BCO1: variants seen among roughly 807,000 people sequenced by gnomAD.
BCO1 encodes the protein beta-carotene oxygenase 1.
Under a neutral mutation model 56.3 loss-of-function variants are expected in BCO1, and 54 were observed. That is an observed-to-expected ratio of 0.96 (90% CI 0.77 to 1.20). The LOEUF (loss-of-function observed/expected upper bound fraction) is 1.20. Ranked by LOEUF, BCO1 falls within the 50% of genes most tolerant of loss-of-function variation. BCO1 has a pLI of 0.00. For synonymous variants in BCO1, 318 were observed against 266.1 expected, an observed-to-expected ratio of 1.20 and a Z score of -1.90; for missense variants, 801 against 690.9, an observed-to-expected ratio of 1.16 and a Z score of -1.79.
intron 1 of BCO1, among the ~76,000 whole-genome samples, chr16:81,242,546 G>C (rs920394867): frequency 6.6e-6 from 1 of 152,004 alleles, no homozygotes; most frequent in African/African-American, 2.4e-5. Context: ...CCTGTATTTA[G>C]TCAAATAGAG....
intron 10 of BCO1, among the ~76,000 whole-genome samples, chr16:81,289,521 G>A (rs12932926): frequency 6.6e-6 from 1 of 152,104 alleles, no homozygotes; most frequent in Non-Finnish European, 1.5e-5. Context: ...TGTGCCTGTA[G>A]TCCCAGCTAC....
At chr16:81,254,388 C>T (rs1278664385) in intron 2 of BCO1, among the ~76,000 whole-genome samples, 7 of 141,740 alleles carry the variant, frequency 4.9e-5, no homozygotes, top group Admixed American at 2.3e-4. Flanking sequence ...TGACCTCAGA[C>T]GATCCGCCCA....
intron 2 of BCO1, among the ~76,000 whole-genome samples, chr16:81,251,430 T>G (rs1165469580): frequency 6.6e-6 from 1 of 151,892 alleles, no homozygotes; most frequent in Non-Finnish European, 1.5e-5. Flanking sequence ...CGTGGTGGTA[T>G]GCACCTATAG....
chr16:81,248,492 G>A (rs979073183), intron 2 of BCO1, among the ~76,000 whole-genome samples: 4 of 151,602 alleles, frequency 2.6e-5, no homozygotes, highest in African/African-American at 9.7e-5. Context: ...CTCTATGCCA[G>A]TGCCTTGCTC....
intron 1 of BCO1, among the ~76,000 whole-genome samples, chr16:81,245,176 G>A (rs1905328080): frequency 6.6e-6 from 1 of 152,196 alleles, no homozygotes; most frequent in South Asian, 2.1e-4. Context: ...ACAGGCGTGA[G>A]CCAACACACA....
chr16:81,269,106 T>C (rs1907021705), intron 6 of BCO1, among the ~76,000 whole-genome samples: 1 of 142,914 alleles, frequency 7.0e-6, no homozygotes, highest in Admixed American at 7.1e-5. Context: ...CACTTCACTT[T>C]TGTAAAATAT....
intron 1 of BCO1, among the ~76,000 whole-genome samples, chr16:81,242,066 G>A (rs996030721): frequency 1.3e-5 from 2 of 151,944 alleles, no homozygotes; most frequent in Non-Finnish European, 2.9e-5. Context: ...CCTATCTAGG[G>A]CTTTAATTAT....
intron 2 of BCO1, among the ~76,000 whole-genome samples, chr16:81,252,199 ATTTC>A (rs1280652596): frequency 1.3e-5 from 2 of 150,722 alleles, no homozygotes; most frequent in Admixed American, 6.6e-5. Context: ...GGGTGTTTAT[ATTTC>A]TTTCTTTCTT....
At position 81,259,660 on chromosome 16, in the gene BCO1, G is replaced by A. The variant is rs751597130; in HGVS notation, c.194-16G>A. ...GAAGGCGTCAGCCTGAGATTATGCT[G>A]GTTCTTCTCTTGCAGGTGAAGTCTA... On this transcript the variant is annotated splice_polypyrimidine_tract_variant and intron_variant, in intron 2 of 10. Transcript: ENST00000258168. 2.5e-6 allele frequency: 4 copies of A among 1,614,064 alleles called. No individual in the cohort carries two copies. Among genetic ancestry groups the A allele is most frequent in the Non-Finnish European group, 3.4e-6 (4 of 1,180,024 alleles).
In BCO1 at chr16:81,259,697, A is replaced by G; in HGVS notation, c.215A>G (p.Lys72Arg). ...GCAGGTGAAGTCTATTACAGGAGCA[A>G]ATACCTGAGAAGCGATACCTACAAC... ...IRDGEVYYRS[K>R]YLRSDTYNTN... Residue 72 changes from lysine to arginine, a missense_variant, in exon 3 of 11, where the codon AAA becomes AGA. Physicochemically the swap from Lys to Arg is conservative, Grantham distance 26. Coordinates refer to ENST00000258168, the MANE Select transcript of BCO1 (RefSeq NM_017429.3). 6.2e-7 allele frequency: 1 copy of G among 1,614,202 alleles called. No homozygotes were observed. Among genetic ancestry groups the G allele is most frequent in the Non-Finnish European group, 8.5e-7 (1 of 1,180,032 alleles).
chr16:81,256,536 A>G (rs1906146308), intron 2 of BCO1, among the ~76,000 whole-genome samples: 1 of 152,300 alleles, frequency 6.6e-6, no homozygotes, highest in Middle Eastern at 3.4e-3. Flanking sequence ...TAACAGCAAA[A>G]TAAAATAAAA....
At chr16:81,251,694 A>T (rs1203535904) in intron 2 of BCO1, among the ~76,000 whole-genome samples, 2 of 152,042 alleles carry the variant, frequency 1.3e-5, no homozygotes, top group Non-Finnish European at 2.9e-5. Context: ...CAAAGCAAAA[A>T]GTTTTTACAA....
rs781764597 is a variant in BCO1 at position 81,270,290 on chromosome 16, C to A, written c.975C>A (p.Ala325=). ...EDGCIVFDVI[A]YEDNSLYQLF... The stretch of plus-strand genomic sequence containing the variant: ...GCTGCATCGTGTTTGACGTCATTGC[C>A]TACGAGGACAACAGCCTCTACCAGC... Residue 325 remains alanine, a synonymous_variant, in exon 7 of 11, where the codon GCC becomes GCA. Transcript: ENST00000258168. 3 of 1,614,078 alleles carry A rather than the reference C, an allele frequency of 1.9e-6. No homozygotes were observed. Among genetic ancestry groups the A allele is most frequent in the Non-Finnish European group, 2.5e-6 (3 of 1,180,046 alleles).
chr16:81,269,329 A>C (rs1597365142), intron 6 of BCO1, among the ~76,000 whole-genome samples: 3 of 134,176 alleles, frequency 2.2e-5, no homozygotes, highest in East Asian at 2.3e-4. Flanking sequence ...ATAGAGTCTC[A>C]CTCTGTCACC....
chr16:81,270,098 G>C lies in BCO1; in HGVS notation c.844-61G>C, dbSNP rs1907089526. ...GGGGCTGGGTTTTGTTCAGCCCCCA[G>C]ATGCCACAGTGCCAGGCTGAGAGAG... On this transcript the variant is annotated intron_variant, in intron 6 of 10. Coordinates refer to ENST00000258168, the MANE Select transcript of BCO1 (RefSeq NM_017429.3). 6 of 1,608,488 alleles carry C rather than the reference G, an allele frequency of 3.7e-6. No homozygotes were observed. In the Admixed American group the frequency reaches 1.0e-4, roughly 27 times the overall value.
At chr16:81,272,280 ATTTTT>A (rs895412645) in intron 7 of BCO1, among the ~76,000 whole-genome samples, 2 of 147,458 alleles carry the variant, frequency 1.4e-5, no homozygotes, top group Non-Finnish European at 3.0e-5. Context: ...CGCCTGGCTA[ATTTTT>A]TTTTTGTATT....
chr16:81,287,427 G>A (rs765623499), intron 10 of BCO1, 21 bp downstream of exon 10: 15 of 1,583,732 alleles, frequency 9.5e-6, no homozygotes, highest in South Asian at 5.5e-5. Context: ...AAGAAGCCAC[G>A]CCTAGTTGCT....
chr16:81,259,160 C>T (rs1297467673), intron 2 of BCO1, among the ~76,000 whole-genome samples: 1 of 152,134 alleles, frequency 6.6e-6, no homozygotes, highest in Non-Finnish European at 1.5e-5. Context: ...CTTATCCAGC[C>T]ATACTGTTGT....
chr16:81,279,231 ATCACACTACTGTAC>A (rs1050584093), intron 7 of BCO1, among the ~76,000 whole-genome samples: 3 of 152,228 alleles, frequency 2.0e-5, no homozygotes, highest in African/African-American at 7.2e-5. Context: ...GTGAGCTGTC[ATCACACTACTGTAC>A]TCCAGCCTGG....
Sources: allele counts gnomAD v4.1 joint callset (sites outside exome capture counted in the v4.1 genomes callset), GRCh38; gene constraint gnomAD v4.1.1; transcripts MANE v1.5; gene names NCBI Gene and HGNC (gene_info 2026-07-23, HGNC 2026-07-21).